The following DRP2 variants were observed in gnomAD, a reference collection of about 807,000 sequenced individuals.
DRP2 encodes dystrophin related protein 2.
In DRP2, 29 loss-of-function variants were observed where a neutral mutation model predicts 78.2. The ratio of observed to expected loss-of-function variants is 0.37; its 90% CI spans 0.28 to 0.51. DRP2 has a LOEUF of 0.51. Among genes scored for constraint, DRP2 ranks in the 20% least tolerant of loss-of-function variants. The pLI, the probability that DRP2 is intolerant of heterozygous loss-of-function variation, is 0.94. For synonymous variants in DRP2, 290 were observed against 281.9 expected, an observed-to-expected ratio of 1.03 and a Z score of -0.29; for missense variants, 686 against 770.6, an observed-to-expected ratio of 0.89 and a Z score of 1.30.
At chrX:101,237,379 T>C (rs1922546353) in intron 4 of DRP2, among the ~76,000 whole-genome samples, 1 of 111,739 alleles carries the variant, frequency 8.9e-6, no homozygotes, top group Non-Finnish European at 1.9e-5. Context: ...AAGTTTGGGA[T>C]GCCTCCACAC....
intron 5 of DRP2, among the ~76,000 whole-genome samples, chrX:101,238,207 C>T (rs1443708656): frequency 1.8e-5 from 2 of 111,388 alleles, no homozygotes; most frequent in Non-Finnish European, 3.8e-5. Context: ...TAATTTTCTT[C>T]ATATCTTTCT....
intron 21 of DRP2, 41 bp downstream of exon 21, chrX:101,256,302 G>A (rs1448209351): frequency 1.2e-5 from 13 of 1,109,366 alleles, no homozygotes; most frequent in African/African-American, 1.8e-5. Flanking sequence ...GGTTCTTGAG[G>A]CAGACAGATT....
intron 21 of DRP2, among the ~76,000 whole-genome samples, chrX:101,257,544 G>A (rs189674260): frequency 2.7e-5 from 3 of 109,533 alleles, no homozygotes; most frequent in African/African-American, 1.0e-4. Context: ...GAATAGGGTA[G>A]AGACCAGTTT....
At position 101,243,275 on chromosome X, in the gene DRP2, A is replaced by C. The variant is rs1281078037; in HGVS notation, c.1054+293A>C. Reference sequence around the variant, plus strand: ...ACTCCGTCTCTACTAAAAATACAAAAATTAGCTGGGCATGGTGGCGGGTGC... The same window carrying C: ...ACTCCGTCTCTACTAAAAATACAAACATTAGCTGGGCATGGTGGCGGGTGC... On this transcript the variant is annotated intron_variant, in intron 9 of 23. Transcript: ENST00000395209. Among the ~76,000 whole-genome samples, 3 of 109,233 alleles carry C rather than the reference A, an allele frequency of 2.7e-5. No individual in the cohort carries two copies. In the East Asian group the frequency reaches 8.6e-4, roughly 31 times the overall value. 94.9% of individuals were successfully genotyped at this position (109,233 alleles called of 115,157 possible). A position where few individuals can be genotyped will look rare whatever the true frequency, so the allele number is the denominator to read the frequency against.
At position 101,260,740 on chromosome X, in the gene DRP2, A is replaced by G; in HGVS notation, c.*119A>G. The stretch of plus-strand genomic sequence containing the variant: ...GGCCCCACATTCCTCAACTAGTATT[A>G]TTTGGGCTCTGGGCAGCAGCAGGGA... On this transcript the variant is annotated 3_prime_UTR_variant, in exon 24 of 24. Coordinates refer to ENST00000395209, the MANE Select transcript of DRP2 (RefSeq NM_001939.3). 2.1e-6 allele frequency: 2 copies of G among 969,644 alleles called. No homozygotes were observed. Among genetic ancestry groups the G allele is most frequent in the Non-Finnish European group, 2.8e-6 (2 of 719,645 alleles). 79.9% of individuals were successfully genotyped at this position (969,644 alleles called of 1,213,427 possible).
chrX:101,257,165 A>G (rs756754540), intron 21 of DRP2, among the ~76,000 whole-genome samples: 1 of 110,111 alleles, frequency 9.1e-6, no homozygotes, highest in African/African-American at 3.3e-5. Context: ...ATGAAGTAGA[A>G]TTCGTAGTAC....
At chrX:101,224,984 T>C (rs1922068713) in intron 2 of DRP2, among the ~76,000 whole-genome samples, 2 of 112,137 alleles carry the variant, frequency 1.8e-5, no homozygotes, top group African/African-American at 3.2e-5. Flanking sequence ...TTTTGTAACA[T>C]AGGCTCTTAG....
intron 2 of DRP2, among the ~76,000 whole-genome samples, chrX:101,230,342 T>C (rs2147331448): frequency 9.0e-6 from 1 of 110,545 alleles, no homozygotes; most frequent in South Asian, 3.9e-4. Flanking sequence ...CTGGCCAACA[T>C]GACGAAACCC....
chrX:101,246,569 A>G (rs944159585), intron 11 of DRP2, among the ~76,000 whole-genome samples: 1 of 112,165 alleles, frequency 8.9e-6, no homozygotes, highest in Non-Finnish European at 1.9e-5. Flanking sequence ...TCTCTGGGGC[A>G]TGTTTTTCAG....
At chrX:101,233,209 G>A (rs2147333794) in intron 3 of DRP2, among the ~76,000 whole-genome samples, 1 of 112,079 alleles carries the variant, frequency 8.9e-6, no homozygotes, top group African/African-American at 3.2e-5. Context: ...CAAGAAGTCT[G>A]CAGGGAATGC....
chrX:101,244,877 C>A, intron 9 of DRP2, 140 bp from the exon 10 acceptor site: 2 of 509,863 alleles, frequency 3.9e-6, no homozygotes, highest in Non-Finnish European at 6.5e-6. Flanking sequence ...CCCTCAGAGG[C>A]TGTTAAGAGC....
In DRP2 at chrX:101,260,971, C is replaced by T. The variant is rs1006179536; in HGVS notation, c.*350C>T. The stretch of plus-strand genomic sequence containing the variant: ...AGAGCTAAGCGGTACATGTTGGCCC[C>T]TCTTCCTTCTCCGTGGAATTATGGA... On this transcript the variant is annotated 3_prime_UTR_variant, in exon 24 of 24. Transcript: ENST00000395209. 1.3e-5 allele frequency: 2 copies of T among 158,628 alleles called. No individual in the cohort carries two copies. Among genetic ancestry groups the T allele is most frequent in the African/African-American group, 6.1e-5 (2 of 32,761 alleles). 13.1% of individuals were successfully genotyped at this position (158,628 alleles called of 1,213,427 possible). A position where few individuals can be genotyped will look rare whatever the true frequency, so the allele number is the denominator to read the frequency against.
chrX:101,256,106 A>G lies in DRP2; in HGVS notation c.2247-12A>G. On this transcript the variant is annotated splice_polypyrimidine_tract_variant and intron_variant, in intron 20 of 23. Transcript: ENST00000395209. ...ACTGGTCACCTACTCTGCTTTCCCC[A>G]CACCCATGCAGAGACGAGGACCAGT... The G allele has an allele frequency of 2.6e-6, 3 of 1,160,827 alleles. No homozygotes were observed. The highest frequency in any genetic ancestry group is 3.4e-6 in the Non-Finnish European group (3 of 872,263).
intron 17 of DRP2, 81 bp from the exon 18 acceptor site, chrX:101,254,344 C>T: frequency 8.8e-7 from 1 of 1,137,812 alleles, no homozygotes; most frequent in Non-Finnish European, 1.2e-6. Context: ...AGCAGGCTGT[C>T]TGCTCTAGCA....
At chrX:101,224,848 A>G (rs1242470732) in intron 2 of DRP2, 142 bp downstream of exon 2, 1 of 112,424 alleles carries the variant, frequency 8.9e-6, no homozygotes, top group Non-Finnish European at 1.9e-5. Flanking sequence ...CCAGACAATA[A>G]TGCTGTGATA....
intron 14 of DRP2, 92 bp downstream of exon 14, chrX:101,248,691 C>A: frequency 1.2e-6 from 1 of 826,982 alleles, no homozygotes; most frequent in Non-Finnish European, 1.8e-6. Flanking sequence ...GAAAGTACAT[C>A]TTGTGACTCA....
intron 18 of DRP2, 130 bp from the exon 19 acceptor site, chrX:101,254,729 A>C (rs1923273601): frequency 9.5e-7 from 1 of 1,050,647 alleles, no homozygotes; most frequent in Non-Finnish European, 1.3e-6. Flanking sequence ...TGAGAAGTAG[A>C]CTGGAATCCA....
At chrX:101,254,984 A>T (rs1366229942) in intron 19 of DRP2, 60 bp downstream of exon 19, 39 of 1,187,357 alleles carry the variant, frequency 3.3e-5, no homozygotes, top group Non-Finnish European at 4.3e-5. Context: ...AGGGGAAAGG[A>T]TCTTCAGTCG....
intron 2 of DRP2, among the ~76,000 whole-genome samples, chrX:101,226,393 C>T (rs1922121480): frequency 1.8e-5 from 2 of 112,087 alleles, no homozygotes; most frequent in Non-Finnish European, 3.8e-5. Flanking sequence ...CTATACATCT[C>T]CAGTTTATGG....
Sources: gnomAD v4.1 joint callset for allele counts (sites outside exome capture counted in the v4.1 genomes callset) on GRCh38, gnomAD v4.1.1 for gene constraint, MANE v1.5 for transcripts, NCBI Gene and HGNC (gene_info 2026-07-23, HGNC 2026-07-21) for gene names.